MYLK3: variants seen among roughly 807,000 people sequenced by gnomAD.
MYLK3 encodes myosin light chain kinase 3, also known as MLC kinase.
Under a neutral mutation model 76.3 loss-of-function variants are expected in MYLK3, and 55 were observed. That is an observed-to-expected ratio of 0.72 (90% CI 0.58 to 0.90). MYLK3 has a LOEUF of 0.90. MYLK3 is among the 40% of genes least tolerant of loss of function. The pLI is 0.00. For missense variants in MYLK3, 973 were observed against 1,053.6 expected (o/e 0.92, Z 1.06); for synonymous variants, 416 against 425.4 (o/e 0.98, Z 0.27).
At chr16:46,728,290 G>C (rs538020789) in intron 7 of MYLK3, among the ~76,000 whole-genome samples, 2 of 152,220 alleles carry the variant, frequency 1.3e-5, no homozygotes, top group Admixed American at 1.3e-4. Context: ...GCAACCCCTG[G>C]GAGCTCCCAC....
rs1455273213 is a variant in MYLK3, at chr16:46,732,660, A to C, written c.1010T>G (p.Ile337Ser). The change falls in exon 4 of 13, where the codon ATC (isoleucine) becomes AGC (serine). Residue 337 changes from isoleucine (I) to serine (S), a missense_variant. By Grantham distance (142) the Ile-to-Ser change is moderately radical. Coordinates refer to ENST00000394809, the MANE Select transcript of MYLK3 (RefSeq NM_182493.3). ...SGGETPPRISIHIQEMDTPGE... is the reference protein window; with the variant it reads ...SGGETPPRISSHIQEMDTPGE... ...AGGAGTATCCATCTCTTGTATGTGG[A>C]TGGAGATCCTGGGGTGGAGAGAAAC... 2.6e-6 allele frequency: 4 copies of C among 1,515,326 alleles called. No individual in the cohort carries two copies. The highest frequency in any genetic ancestry group is 3.5e-6 in the Non-Finnish European group (4 of 1,138,614). The allele number at this position is 1,515,326 out of a possible 1,614,324, so 93.9% of individuals were successfully genotyped here.
At chr16:46,755,211 C>T (rs796623441) in intron 1 of MYLK3, among the ~76,000 whole-genome samples, 31 of 152,180 alleles carry the variant, frequency 2.0e-4, no homozygotes, top group African/African-American at 7.0e-4. Context: ...CGCACGCTTT[C>T]TAAGGAAGCT....
At chr16:46,740,553 T>TATATATATATA (rs1316569378) in intron 1 of MYLK3, among the ~76,000 whole-genome samples, 1 of 88,508 alleles carries the variant, frequency 1.1e-5, no homozygotes, top group African/African-American at 4.5e-5. Context: ...ATATATATAT[T>TATATATATATA]TTTTTTTTTT....
At chr16:46,710,036 A>C (rs1434111640) in intron 11 of MYLK3, among the ~76,000 whole-genome samples, 1 of 152,266 alleles carries the variant, frequency 6.6e-6, no homozygotes, top group Non-Finnish European at 1.5e-5. Flanking sequence ...TTCTCCTTCC[A>C]GAGTATAAAG....
In MYLK3 at chr16:46,737,792, C is replaced by T. The variant is rs1190799016; in HGVS notation, c.920G>A (p.Gly307Glu). Residue 307 changes from glycine (G) to glutamate (E), a missense_variant, in exon 3 of 13, where the codon GGG (glycine) becomes GAG (glutamate). This residue lies in a region of MYLK3 where 641 missense variants were observed against 637.0 expected (regional missense o/e 1.01). Coordinates refer to ENST00000394809, the MANE Select transcript of MYLK3 (RefSeq NM_182493.3). ...AGGCCCTGGGCACTGAGGGCCAGGC[C>T]CTGGAGTCAGCCTCGTGCCTTCCTC... Reference protein sequence around the residue: ...PLEEGTRLTPGPGPQCPGPPG... With the variant: ...PLEEGTRLTPEPGPQCPGPPG... The T allele has an allele frequency of 1.2e-6, 2 of 1,612,372 alleles. No individual in the cohort carries two copies. Among genetic ancestry groups the T allele is most frequent in the Admixed American group, 3.3e-5 (2 of 60,028 alleles).
chr16:46,717,423 T>C (rs1966753381), intron 9 of MYLK3, among the ~76,000 whole-genome samples: 3 of 152,144 alleles, frequency 2.0e-5, no homozygotes, highest in Admixed American at 6.5e-5. Flanking sequence ...CTATAGCCCT[T>C]TTCACATCCC....
chr16:46,758,322 TC>T (rs1967231307), intron 1 of MYLK3, among the ~76,000 whole-genome samples: 2 of 149,752 alleles, frequency 1.3e-5, no homozygotes, highest in Non-Finnish European at 3.0e-5. Context: ...TCTCTCTCTC[TC>T]TCTCTCTCTC....
chr16:46,758,429 G>T (rs963030310), intron 1 of MYLK3, among the ~76,000 whole-genome samples: 1 of 152,080 alleles, frequency 6.6e-6, no homozygotes, highest in African/African-American at 2.4e-5. Flanking sequence ...CAGCCCCTGC[G>T]CTGAGCGCTT....
rs976382683 is a variant in MYLK3 at position 46,702,550 on chromosome 16, T to C, written c.*5154A>G. On this transcript the variant is annotated 3_prime_UTR_variant, in exon 13 of 13. Transcript: ENST00000394809. The stretch of plus-strand genomic sequence containing the variant: ...TCATAATCTAAATGTCTCAAAAATA[T>C]CTTTTTATTGCTTGCTCAAATCAGG... Among the ~76,000 whole-genome samples, 1 of 152,214 alleles carries C rather than the reference T, an allele frequency of 6.6e-6. No homozygotes were observed. The highest frequency in any genetic ancestry group is 6.5e-5 in the Admixed American group (1 of 15,286).
chr16:46,733,606 C>T (rs530027892), intron 3 of MYLK3, among the ~76,000 whole-genome samples: 3 of 152,200 alleles, frequency 2.0e-5, no homozygotes, highest in South Asian at 2.1e-4. Context: ...CTCTGAGCCC[C>T]GACCTCTAGA....
intron 1 of MYLK3, among the ~76,000 whole-genome samples, chr16:46,742,345 T>C (rs1966945213): frequency 6.6e-6 from 1 of 151,506 alleles, no homozygotes. Flanking sequence ...TCACATGAGG[T>C]CAGGAGTTCA....
At chr16:46,729,193 C>T in intron 6 of MYLK3, 60 bp from the exon 7 acceptor site, 1 of 1,310,474 alleles carries the variant, frequency 7.6e-7, no homozygotes, top group Non-Finnish European at 1.1e-6. Flanking sequence ...GAGGAGCCAG[C>T]TGACCTCCCA....
In MYLK3 at chr16:46,704,297, G is replaced by T. The variant is rs1308192887; in HGVS notation, c.*3407C>A. On this transcript the variant is annotated 3_prime_UTR_variant, in exon 13 of 13. Transcript: ENST00000394809. Reference sequence around the variant, plus strand: ...TAATTTTTATATTTTTAGAGATGGGGTTTTACCATGTTGGCCAGCAATCTG... The same window carrying T: ...TAATTTTTATATTTTTAGAGATGGGTTTTTACCATGTTGGCCAGCAATCTG... 2 of 152,106 alleles carry T rather than the reference G, an allele frequency of 1.3e-5. No homozygotes were observed. Among genetic ancestry groups the T allele is most frequent in the Non-Finnish European group, 2.9e-5 (2 of 68,062 alleles). The allele number at this position is 152,106 out of a possible 1,614,324, so 9.4% of individuals were successfully genotyped here.
At chr16:46,735,065 C>G (rs1966861814) in intron 3 of MYLK3, among the ~76,000 whole-genome samples, 1 of 151,446 alleles carries the variant, frequency 6.6e-6, no homozygotes, top group South Asian at 2.1e-4. Flanking sequence ...CACTTGAGCC[C>G]GAGAAGTGGA....
chr16:46,762,492 G>A (rs1386367174), intron 1 of MYLK3, among the ~76,000 whole-genome samples: 2 of 152,178 alleles, frequency 1.3e-5, no homozygotes, highest in African/African-American at 4.8e-5. Flanking sequence ...GACCCCAGCT[G>A]ACGGAAAACA....
rs1158696917 is a variant in MYLK3, at chr16:46,703,808, A to G, written c.*3896T>C. The G allele has an allele frequency of 6.5e-6, 1 of 153,768 alleles. No homozygotes were observed. The highest frequency in any genetic ancestry group is 1.5e-5 in the Non-Finnish European group (1 of 68,052). The allele number at this position is 153,768 out of a possible 1,614,324, so 9.5% of individuals were successfully genotyped here. ...AAGGGAAAAAAATTAAAATTGTTAG[A>G]TACAGGATTCTCTCTAGATCTGCCC... On this transcript the variant is annotated 3_prime_UTR_variant, in exon 13 of 13. Transcript: ENST00000394809.
chr16:46,717,632 C>T (rs992258878), intron 9 of MYLK3, among the ~76,000 whole-genome samples: 3 of 152,118 alleles, frequency 2.0e-5, no homozygotes, highest in African/African-American at 7.2e-5. Context: ...GCACTAGAGC[C>T]GGCTCTCAGG....
intron 8 of MYLK3, 139 bp from the exon 9 acceptor site, chr16:46,721,332 A>C (rs1966797675): frequency 1.4e-6 from 1 of 696,794 alleles, no homozygotes; most frequent in Non-Finnish European, 2.5e-6. Context: ...CTGGATAGAT[A>C]ATGGAAATAC....
Position 46,712,778 on chromosome 16 carries a change from T to A in MYLK3, c.1986-2A>T. ...TTCAGCTTCTCTCGAGGCTTGTACC[T>A]GGGGAGAAGGGGAGGGTACAAAGAA... On this transcript the variant is annotated splice_acceptor_variant, in intron 9 of 12. Coordinates refer to ENST00000394809, the MANE Select transcript of MYLK3 (RefSeq NM_182493.3). LOFTEE classifies it high-confidence loss of function. 6.3e-7 allele frequency: 1 copy of A among 1,588,992 alleles called. No homozygotes were observed. Among genetic ancestry groups the A allele is most frequent in the East Asian group, 2.3e-5 (1 of 43,354 alleles).
Sources: gnomAD v4.1 joint callset for allele counts (sites outside exome capture counted in the v4.1 genomes callset) on GRCh38, gnomAD v4.1.1 for gene constraint, gnomAD v4.1.1 regional missense constraint, MANE v1.5 for transcripts, NCBI Gene and HGNC (gene_info 2026-07-23, HGNC 2026-07-21) for gene names.